Variants in TBC1D7 observed in about 807,000 individuals in gnomAD.
The protein encoded by TBC1D7 is TBC1 domain family member 7.
In TBC1D7, 33 loss-of-function variants were observed where a neutral mutation model predicts 35.3. The observed-to-expected ratio is 0.93, with a 90% CI of 0.71 to 1.25. TBC1D7 has a LOEUF of 1.25. Ranked by LOEUF, TBC1D7 falls within the 50% of genes most tolerant of loss-of-function variation. The probability of loss-of-function intolerance (pLI) is 0.00; values close to 1 mark genes in which losing one functional copy is unlikely to be tolerated. For missense variants in TBC1D7, 362 were observed against 365.3 expected (o/e 0.99, Z 0.07); for synonymous variants, 135 against 129.5 (o/e 1.04, Z -0.29).
chr6:13,308,255 A>G (rs748342344), intron 5 of TBC1D7, among the ~76,000 whole-genome samples: 6 of 152,216 alleles, frequency 3.9e-5, no homozygotes, highest in Non-Finnish European at 7.3e-5. Context: ...GGTGATGAGA[A>G]GGGGCTGACC....
intron 1 of TBC1D7, among the ~76,000 whole-genome samples, chr6:13,327,422 C>A (rs116051972): frequency 1.8e-3 from 279 of 152,226 alleles, no homozygotes; most frequent in Non-Finnish European, 3.0e-3. Context: ...ATTTTAATTT[C>A]CTTTCTTTTG....
At chr6:13,308,496 A>G (rs1299462016) in intron 5 of TBC1D7, among the ~76,000 whole-genome samples, 2 of 152,196 alleles carry the variant, frequency 1.3e-5, no homozygotes, top group Non-Finnish European at 2.9e-5. Context: ...CTGGAGAGCT[A>G]ATAAAGCCAG....
intron 3 of TBC1D7, chr6:13,323,824 A>C (rs1784218575): frequency 6.6e-6 from 1 of 152,264 alleles, no homozygotes. Flanking sequence ...TCCACAATCT[A>C]TCTTACCTTC....
At chr6:13,307,348 A>G (rs974935684) in intron 6 of TBC1D7, 16 of 354,788 alleles carry the variant, frequency 4.5e-5, no homozygotes, top group African/African-American at 3.2e-4. Flanking sequence ...GCTGACGCTT[A>G]TATAAACTCA....
chr6:13,328,035 T>TA (rs1784516415), intron 1 of TBC1D7: 1 of 152,098 alleles, frequency 6.6e-6, no homozygotes, highest in South Asian at 2.1e-4. Flanking sequence ...GTCTTAAAAA[T>TA]AAAAAAGTCA....
At chr6:13,307,834 C>G (rs1397363898) in intron 5 of TBC1D7, 89 bp from the exon 6 acceptor site, 1 of 1,379,200 alleles carries the variant, frequency 7.3e-7, no homozygotes, top group Non-Finnish European at 1.0e-6. Flanking sequence ...AAAGTACATG[C>G]TGAATTCAAG....
At chr6:13,318,434 C>T (rs915620336) in intron 4 of TBC1D7, among the ~76,000 whole-genome samples, 8 of 152,080 alleles carry the variant, frequency 5.3e-5, no homozygotes, top group African/African-American at 1.9e-4. Flanking sequence ...CATCTCAATT[C>T]CTAATCTAAT....
Position 13,305,100 on chromosome 6 carries a change from TTCAG to T in TBC1D7, c.879_882del (p.Ser293ArgfsTer15), listed in dbSNP as rs771509256. The T allele has an allele frequency of 2.5e-6, 4 of 1,609,248 alleles. No homozygotes were observed. The highest frequency in any genetic ancestry group is 3.4e-6 in the Non-Finnish European group (4 of 1,177,454). ...AGACGGTCCACAACCAGCGGGTGCG[TTCAG>T]CTTGAATGGACCGGGGTCCCACAGT... On this transcript the variant is annotated frameshift_variant and stop_lost, in exon 8 of 8. Coordinates refer to ENST00000379300, the MANE Select transcript of TBC1D7 (RefSeq NM_016495.6). LOFTEE classifies it high-confidence loss of function.
chr6:13,320,257 TTTGA>T (rs1313807491), intron 4 of TBC1D7: 1 of 156,334 alleles, frequency 6.4e-6, no homozygotes, highest in Admixed American at 6.3e-5. Context: ...ACTTTGACCG[TTTGA>T]TTATTTGTGA....
chr6:13,305,170 T>C lies in TBC1D7; in HGVS notation c.813A>G (p.Ser271=), dbSNP rs1782724516. ...KFLENIPQDS[S]DAIVSKAIDL... is the part of the protein sequence containing the mutation. ...CAATGGCCTTGCTCACGATCGCGTC[T>C]GAGCTGTCCTGGGGAATCTGTGGGC... Residue 271 remains serine, a synonymous_variant, in exon 8 of 8, where the codon TCA becomes TCG. Transcript: ENST00000379300. The C allele has an allele frequency of 6.2e-7, 1 of 1,614,090 alleles. No individual in the cohort carries two copies. The highest frequency in any genetic ancestry group is 1.7e-5 in the Admixed American group (1 of 60,008).
At chr6:13,309,370 T>C (rs1015180946) in intron 5 of TBC1D7, among the ~76,000 whole-genome samples, 1 of 152,222 alleles carries the variant, frequency 6.6e-6, no homozygotes, top group Non-Finnish European at 1.5e-5. Context: ...GGGGGGAAGC[T>C]ACTGTATCTG....
At chr6:13,307,334 A>G in intron 6 of TBC1D7, 5 of 304,058 alleles carry the variant, frequency 1.6e-5, no homozygotes, top group Non-Finnish European at 1.8e-5. Context: ...TCTGGAAAAA[A>G]GGGGCTGACG....
intron 5 of TBC1D7, among the ~76,000 whole-genome samples, chr6:13,310,319 G>T (rs978887154): frequency 6.6e-6 from 1 of 152,176 alleles, no homozygotes; most frequent in African/African-American, 2.4e-5. Context: ...ATTCACAATA[G>T]AACAGTATGA....
intron 4 of TBC1D7, chr6:13,320,550 C>T (rs1038937656): frequency 8.8e-6 from 5 of 569,092 alleles, no homozygotes; most frequent in Admixed American, 3.3e-5. Flanking sequence ...CTACTTAGCA[C>T]CTACAATTTT....
In TBC1D7 at chr6:13,316,701, T is replaced by A. The variant is rs1562165765; in HGVS notation, c.389A>T (p.Asp130Val). Residue 130 changes from aspartate to valine, a missense_variant, in exon 5 of 8, where the codon GAT becomes GTT. Transcript: ENST00000379300. ...PRSPSFPLEPDDEVFLAIAKA... is the reference protein window; with the variant it reads ...PRSPSFPLEPVDEVFLAIAKA... Reference sequence around the variant, plus strand: ...AGCTATGGCAAGAAACACTTCATCATCTGGCTCCTGAAAGATTAATAATAA... The same window carrying A: ...AGCTATGGCAAGAAACACTTCATCAACTGGCTCCTGAAAGATTAATAATAA... 3 of 1,613,874 alleles carry A rather than the reference T, an allele frequency of 1.9e-6. No individual in the cohort carries two copies. The highest frequency in any genetic ancestry group is 2.5e-6 in the Non-Finnish European group (3 of 1,179,920).
intron 6 of TBC1D7, chr6:13,307,009 T>C (rs1016009478): frequency 6.4e-6 from 1 of 155,394 alleles, no homozygotes; most frequent in Admixed American, 6.3e-5. Flanking sequence ...TACTGATCTA[T>C]AACCACTCTA....
At chr6:13,306,725 TAGA>T (rs1396942871) in intron 6 of TBC1D7, 198 bp from the exon 7 acceptor site, 3 of 354,912 alleles carry the variant, frequency 8.5e-6, no homozygotes, top group East Asian at 4.8e-5. Flanking sequence ...CAATCAGCAC[TAGA>T]AGGAGAAAGG....
intron 5 of TBC1D7, among the ~76,000 whole-genome samples, chr6:13,308,670 T>TA (rs36022805): frequency 0.3 from 45,885 of 152,054 alleles, 7,218 homozygotes; most frequent in South Asian, 0.46. Context: ...TAAGCAAATG[T>TA]AATGTTTATT....
chr6:13,306,586 G>C (rs1209094037), intron 6 of TBC1D7, 59 bp from the exon 7 acceptor site: 25 of 1,324,678 alleles, frequency 1.9e-5, no homozygotes, highest in Non-Finnish European at 2.5e-5. Flanking sequence ...GTTTAGCCTA[G>C]ACATCTCAAA....
Sources: allele counts gnomAD v4.1 joint callset (sites outside exome capture counted in the v4.1 genomes callset), GRCh38; gene constraint gnomAD v4.1.1; transcripts MANE v1.5; gene names NCBI Gene and HGNC (gene_info 2026-07-23, HGNC 2026-07-21).